Variants in IGSF10 observed in about 807,000 individuals in gnomAD.
IGSF10 encodes the protein calvaria mechanical force protein 608.
In IGSF10, 126 loss-of-function variants were observed where a neutral mutation model predicts 128.2. The ratio of observed to expected loss-of-function variants is 0.98; its 90% CI spans 0.85 to 1.14. IGSF10 has a LOEUF of 1.14. Among genes scored for constraint, IGSF10 ranks in the 50% most tolerant of loss-of-function variants. The pLI is 0.00. For synonymous variants in IGSF10, 1,185 were observed against 1,146.2 expected (o/e 1.03, Z -0.68); for missense variants, 3,295 against 3,149.8 (o/e 1.05, Z -1.10).
chr3:151,503,789 T>C, the IGSF10 span, among the ~76,000 whole-genome samples: 1 of 152,080 alleles, frequency 6.6e-6, no homozygotes, highest in South Asian at 2.1e-4. Flanking sequence ...TTTTTAAAGA[T>C]AGTTTGGCAG....
Position 151,443,619 on chromosome 3 carries a change from T to C in IGSF10, c.5328A>G (p.Thr1776=), listed in dbSNP as rs1429140542. ...KCRAEGRPSP[T]VTWILANQTV... ...TTTGGTTTGCAAGAATCCAGGTAAC[T>C]GTAGGGCTTGGCCTACCTTCTGCTC... Residue 1776 remains threonine, a synonymous_variant, in exon 7 of 8, where the codon ACA becomes ACG. Transcript: ENST00000282466. The C allele has an allele frequency of 6.2e-7, 1 of 1,614,110 alleles. No individual in the cohort carries two copies. Among genetic ancestry groups the C allele is most frequent in the Non-Finnish European group, 8.5e-7 (1 of 1,180,048 alleles).
Position 151,451,806 on chromosome 3 carries a change from TA to T in IGSF10, c.715+1577del, listed in dbSNP as rs1207977498. ...GCATAAAAACAGGTTGTCAAGTATGTAAAAAAGAATGGAAACAGAGCAGCAG... is the reference window on the plus strand; with the variant it reads ...GCATAAAAACAGGTTGTCAAGTATGTAAAAAGAATGGAAACAGAGCAGCAG... On this transcript the variant is annotated intron_variant, in intron 5 of 7. Coordinates refer to ENST00000282466, the MANE Select transcript of IGSF10 (RefSeq NM_178822.5). Among the ~76,000 whole-genome samples, 3 of 152,184 alleles carry T rather than the reference TA, an allele frequency of 2.0e-5. No individual in the cohort carries two copies. In the East Asian group the frequency reaches 5.8e-4, roughly 29 times the overall value.
At chr3:151,458,854 A>G in intron 2 of IGSF10, 144 bp from the exon 3 acceptor site, 1 of 621,104 alleles carries the variant, frequency 1.6e-6, no homozygotes, top group Non-Finnish European at 2.8e-6. Context: ...GGTCATATGC[A>G]CTCTTTACAA....
At chr3:151,509,017 A>AAT in the IGSF10 span, among the ~76,000 whole-genome samples, 3 of 152,292 alleles carry the variant, frequency 2.0e-5, no homozygotes, top group Non-Finnish European at 4.4e-5. Flanking sequence ...CTTAACTCTG[A>AAT]TGCAGCGTCT....
At chr3:151,452,270 C>T (rs889574682) in intron 5 of IGSF10, among the ~76,000 whole-genome samples, 3 of 152,152 alleles carry the variant, frequency 2.0e-5, no homozygotes, top group Non-Finnish European at 4.4e-5. Context: ...TTTTGTTGTG[C>T]AAACATTATG....
At chr3:151,490,335 T>C in the IGSF10 span, among the ~76,000 whole-genome samples, 2 of 152,176 alleles carry the variant, frequency 1.3e-5, no homozygotes, top group African/African-American at 2.4e-5. Flanking sequence ...ACAGAGTGAT[T>C]GTAAATGTAT....
rs1036927907 is a variant in IGSF10, at chr3:151,445,114, T to C, written c.4867A>G (p.Lys1623Glu). 2.5e-6 allele frequency: 4 copies of C among 1,614,012 alleles called. No individual in the cohort carries two copies. The African/African-American group carries it at 5.3e-5, about 22-fold the overall frequency. The stretch of plus-strand genomic sequence containing the variant: ...GTTGTTGCTTCTTGAACTGGTTTCT[T>C]ATCAAAGTCACTCTTCTTTGTGTTC... ...QKNTKKSDFD[K>E]KPVQEATTSK... The change falls in exon 6 of 8, where the codon AAG (lysine) becomes GAG (glutamate). Residue 1623 changes from lysine (K) to glutamate (E), a missense_variant. Lys to Glu is a moderately conservative substitution (Grantham distance 56, BLOSUM62 1). Coordinates refer to ENST00000282466, the MANE Select transcript of IGSF10 (RefSeq NM_178822.5).
the IGSF10 span, among the ~76,000 whole-genome samples, chr3:151,519,424 C>T: frequency 1.4e-4 from 21 of 151,784 alleles, no homozygotes; most frequent in Admixed American, 9.9e-4. Context: ...TGTGTTAGGC[C>T]GCATTAGAAT....
At chr3:151,471,377 A>G in the IGSF10 span, among the ~76,000 whole-genome samples, 5 of 152,216 alleles carry the variant, frequency 3.3e-5, no homozygotes, top group Non-Finnish European at 4.4e-5. Flanking sequence ...AAGACACTCC[A>G]CTGGATAATC....
At chr3:151,541,598 T>G in the IGSF10 span, among the ~76,000 whole-genome samples, 1 of 152,192 alleles carries the variant, frequency 6.6e-6, no homozygotes, top group East Asian at 1.9e-4. Context: ...ATATTGTCCT[T>G]TTTGATAAAT....
the IGSF10 span, among the ~76,000 whole-genome samples, chr3:151,558,906 A>T: frequency 6.6e-6 from 1 of 152,104 alleles, no homozygotes; most frequent in Non-Finnish European, 1.5e-5. Flanking sequence ...CTTCATATAC[A>T]GTCACATGTT....
chr3:151,474,727 A>AATTGGACTT, the IGSF10 span, among the ~76,000 whole-genome samples: 4 of 152,212 alleles, frequency 2.6e-5, no homozygotes, highest in African/African-American at 9.7e-5. Context: ...AAAGAGGTTT[A>AATTGGACTT]ATTGGACTTA....
the IGSF10 span, among the ~76,000 whole-genome samples, chr3:151,576,572 T>C: frequency 6.6e-6 from 1 of 152,180 alleles, no homozygotes; most frequent in Non-Finnish European, 1.5e-5. Context: ...TTTTAGAAGA[T>C]CACAGTCACA....
At chr3:151,459,240 TTG>T (rs1002919843) in intron 2 of IGSF10, among the ~76,000 whole-genome samples, 1 of 152,232 alleles carries the variant, frequency 6.6e-6, no homozygotes, top group Non-Finnish European at 1.5e-5. Context: ...TTTTCATCTA[TTG>T]TGTGTATATG....
chr3:151,514,627 C>T, the IGSF10 span, among the ~76,000 whole-genome samples: 66 of 152,100 alleles, frequency 4.3e-4, no homozygotes, highest in South Asian at 1.9e-3. Flanking sequence ...GGGATCTAAT[C>T]AAACTAAAGA....
In IGSF10 at chr3:151,446,958, C is replaced by T; in HGVS notation, c.3023G>A (p.Arg1008Lys). ...RNSTVNIPLF[R>K]RFGRQRKIGG... ...AATTTTCCTCTGCCTCCCAAAGCGT[C>T]TGAACAGCGGGATGTTAACTGTACT... The change falls in exon 6 of 8, where the codon AGA (arginine) becomes AAA (lysine). Residue 1008 changes from arginine (R) to lysine (K), a missense_variant. By Grantham distance (26) the Arg-to-Lys change is conservative (BLOSUM62 2). Transcript: ENST00000282466. 6.2e-7 allele frequency: 1 copy of T among 1,614,190 alleles called. No homozygotes were observed. Among genetic ancestry groups the T allele is most frequent in the Middle Eastern group, 1.6e-4 (1 of 6,062 alleles).
the IGSF10 span, among the ~76,000 whole-genome samples, chr3:151,523,050 G>T: frequency 6.6e-6 from 1 of 151,992 alleles, no homozygotes; most frequent in African/African-American, 2.4e-5. Flanking sequence ...AAATCAGAAA[G>T]GCAATCCCAT....
chr3:151,502,146 G>A, the IGSF10 span, among the ~76,000 whole-genome samples: 7 of 151,928 alleles, frequency 4.6e-5, no homozygotes, highest in Non-Finnish European at 8.8e-5. Flanking sequence ...ACGTTTCTAC[G>A]GAACCAAGTG....
At chr3:151,458,008 T>TC (rs1193133732) in intron 3 of IGSF10, among the ~76,000 whole-genome samples, 3 of 152,166 alleles carry the variant, frequency 2.0e-5, no homozygotes, top group African/African-American at 4.8e-5. Context: ...GACTTTTTTT[T>TC]CATGAACGTT....
Sources: allele counts gnomAD v4.1 joint callset (sites outside exome capture counted in the v4.1 genomes callset), GRCh38; gene constraint gnomAD v4.1.1; transcripts MANE v1.5; gene names NCBI Gene and HGNC (gene_info 2026-07-23, HGNC 2026-07-21).